Variants in RRP12 observed in about 807,000 individuals in gnomAD.
RRP12 encodes the protein ribosomal RNA processing 12 homolog.
In RRP12, 78 loss-of-function variants were observed where a neutral mutation model predicts 157.3. The observed-to-expected ratio is 0.50, with a 90% CI of 0.41 to 0.60. RRP12 has a LOEUF of 0.60. Ranked by LOEUF, RRP12 falls within the 20% of genes least tolerant of loss-of-function variation. The probability of loss-of-function intolerance (pLI) is 0.00; values close to 1 mark genes in which losing one functional copy is unlikely to be tolerated. For missense variants in RRP12, 1,521 were observed against 1,679.9 expected, an observed-to-expected ratio of 0.91 and a Z score of 1.65; for synonymous variants, 726 against 670.9, an observed-to-expected ratio of 1.08 and a Z score of -1.27.
chr10:97,399,015 T>C (rs1353647787), intron 2 of RRP12, among the ~76,000 whole-genome samples: 1 of 152,200 alleles, frequency 6.6e-6, no homozygotes, highest in Non-Finnish European at 1.5e-5. Context: ...GGCTCACACC[T>C]GTAATCCCAG....
At chr10:97,360,859 G>A (rs1018825907) in intron 30 of RRP12, among the ~76,000 whole-genome samples, 29 of 152,152 alleles carry the variant, frequency 1.9e-4, no homozygotes, top group Non-Finnish European at 5.9e-5. Flanking sequence ...GGCTGGTGGC[G>A]GCCGTTCCTG....
At position 97,373,659 on chromosome 10, in the gene RRP12, C is replaced by T. The variant is rs1844223828; in HGVS notation, c.1942G>A (p.Gly648Ser). Residue 648 changes from glycine to serine, a missense_variant, in exon 17 of 34, where the codon GGC becomes AGC. Transcript: ENST00000370992. ...ISFKGLARTLGMAISERPDLR... is the reference protein window; with the variant it reads ...ISFKGLARTLSMAISERPDLR... ...TCTGGACGCTCGCTGATGGCCATGC[C>T]CAGCGTCCGTGCCAGCCCTTTGAAG... The T allele has an allele frequency of 6.2e-7, 1 of 1,613,894 alleles. No individual in the cohort carries two copies. Among genetic ancestry groups the T allele is most frequent in the Non-Finnish European group, 8.5e-7 (1 of 1,179,924 alleles).
intron 2 of RRP12, among the ~76,000 whole-genome samples, chr10:97,399,779 G>T (rs991280600): frequency 6.6e-6 from 1 of 151,360 alleles, no homozygotes; most frequent in African/African-American, 2.4e-5. Flanking sequence ...TTAGCCGGGC[G>T]TGGTGGCACA....
At position 97,390,721 on chromosome 10, in the gene RRP12, T is replaced by C; in HGVS notation, c.636+18A>G. On this transcript the variant is annotated intron_variant, in intron 5 of 33. Coordinates refer to ENST00000370992, the MANE Select transcript of RRP12 (RefSeq NM_015179.4). ...CTCTGGGAGTCGCCAGATGAGAAACTAAACCCCAGACACTAACCCATCGGA... is the reference window on the plus strand; with the variant it reads ...CTCTGGGAGTCGCCAGATGAGAAACCAAACCCCAGACACTAACCCATCGGA... The C allele has an allele frequency of 1.3e-6, 2 of 1,576,022 alleles. No homozygotes were observed. The highest frequency in any genetic ancestry group is 2.2e-5 in the South Asian group (2 of 90,318).
chr10:97,372,718 A>C lies in RRP12; in HGVS notation c.2249+18T>G. On this transcript the variant is annotated intron_variant, in intron 19 of 33. Coordinates refer to ENST00000370992, the MANE Select transcript of RRP12 (RefSeq NM_015179.4). ...CCTGGGCTGCTCCAGCTCAAGTGGG[A>C]GGCCCTGAGCATGTTACCTGGTAAA... The C allele has an allele frequency of 6.4e-7, 1 of 1,551,522 alleles. No homozygotes were observed. The highest frequency in any genetic ancestry group is 1.9e-5 in the Admixed American group (1 of 51,386).
Position 97,370,455 on chromosome 10 carries a change from C to A in RRP12, c.2689G>T (p.Glu897Ter). The A allele has an allele frequency of 1.3e-6, 2 of 1,595,864 alleles. No individual in the cohort carries two copies. The highest frequency in any genetic ancestry group is 1.7e-6 in the Non-Finnish European group (2 of 1,171,838). Reference sequence around the variant, plus strand: ...CCACCCCCAGCCCCCTGGGCCTCACCTTCCTGGTTCGAGCCAAACCTTAGG... The same window carrying A: ...CCACCCCCAGCCCCCTGGGCCTCACATTCCTGGTTCGAGCCAAACCTTAGG... The part of the protein sequence containing the change: ...AFLRFGSNQE[E>*]ALQCYLVLIY... The change falls in exon 23 of 34, where the codon GAG becomes TAG. Residue 897 changes from glutamate (E) to a stop codon, truncating the protein, a stop_gained and splice_region_variant. Transcript: ENST00000370992. LOFTEE classifies it high-confidence loss of function.
At chr10:97,395,249 T>G (rs1003107984) in intron 3 of RRP12, among the ~76,000 whole-genome samples, 15 of 151,246 alleles carry the variant, frequency 9.9e-5, no homozygotes, top group African/African-American at 3.7e-4. Context: ...AATATATTTA[T>G]TTATTTAATG....
chr10:97,372,613 G>A (rs1034201193), intron 19 of RRP12, 123 bp downstream of exon 19: 9 of 804,146 alleles, frequency 1.1e-5, no homozygotes, highest in Non-Finnish European at 1.7e-5. Context: ...AGCACAGCCT[G>A]GAGAGTTAAT....
intron 11 of RRP12, 94 bp downstream of exon 11, chr10:97,381,621 G>T (rs1003418410): frequency 1.6e-6 from 2 of 1,273,084 alleles, no homozygotes; most frequent in Non-Finnish European, 2.2e-6. Flanking sequence ...GCCTCTCTGG[G>T]CCCGAGCTGG....
chr10:97,400,686 A>G (rs1448253237), intron 1 of RRP12, 152 bp from the exon 2 acceptor site: 2 of 640,716 alleles, frequency 3.1e-6, no homozygotes, highest in Admixed American at 5.9e-5. Flanking sequence ...TGTATGCCTA[A>G]AAACTTGAAA....
intron 6 of RRP12, among the ~76,000 whole-genome samples, chr10:97,389,389 A>G (rs1383986802): frequency 6.6e-6 from 1 of 151,872 alleles, no homozygotes; most frequent in Non-Finnish European, 1.5e-5. Flanking sequence ...CACCGCGCCC[A>G]GCCAAGGGGC....
Position 97,390,520 on chromosome 10 carries a change from G to T in RRP12, c.656C>A (p.Thr219Asn), listed in dbSNP as rs150603065. The change falls in exon 6 of 34, where the codon ACC (threonine) becomes AAC (asparagine). Residue 219 changes from threonine to asparagine, a missense_variant. Physicochemically the swap from Thr to Asn is moderately conservative, Grantham distance 65. Transcript: ENST00000370992. ...VLRWVLSCLA[T>N]LLRKQDLEAW... ...CTCCAGGTCTTGCTTCCGCAGAAGG[G>T]TGGCCAGGCAGGAAAGGACCTGGAA... 1.9e-6 allele frequency: 3 copies of T among 1,613,814 alleles called. No individual in the cohort carries two copies. The South Asian group carries it at 3.3e-5, about 18-fold the overall frequency.
At position 97,379,281 on chromosome 10, in the gene RRP12, G is replaced by T. The variant is rs544278967; in HGVS notation, c.1798+12C>A. On this transcript the variant is annotated intron_variant, in intron 15 of 33. Coordinates refer to ENST00000370992, the MANE Select transcript of RRP12 (RefSeq NM_015179.4). ...GAGCCTCAGGTCACACACAGGCAAG[G>T]GTCTCTCCTACCTTTGCTCTTCAGG... 6.2e-7 allele frequency: 1 copy of T among 1,613,468 alleles called. No individual in the cohort carries two copies. Among genetic ancestry groups the T allele is most frequent in the African/African-American group, 1.3e-5 (1 of 75,014 alleles).
chr10:97,401,082 A>T lies in RRP12; in HGVS notation c.139+11T>A, dbSNP rs1845133335. Reference sequence around the variant, plus strand: ...CCGCCCCCGGCTGCGCTCGGGTCTCAACCCAGCTACCTGACGGCCGGCTGA... The same window carrying T: ...CCGCCCCCGGCTGCGCTCGGGTCTCTACCCAGCTACCTGACGGCCGGCTGA... On this transcript the variant is annotated intron_variant, in intron 1 of 33. Coordinates refer to ENST00000370992, the MANE Select transcript of RRP12 (RefSeq NM_015179.4). 1 of 1,612,448 alleles carries T rather than the reference A, an allele frequency of 6.2e-7. No individual in the cohort carries two copies. The highest frequency in any genetic ancestry group is 1.7e-5 in the Admixed American group (1 of 59,804).
intron 13 of RRP12, 81 bp from the exon 14 acceptor site, chr10:97,379,851 C>T (rs1844418389): frequency 7.1e-7 from 1 of 1,413,166 alleles, no homozygotes; most frequent in Non-Finnish European, 9.5e-7. Flanking sequence ...AACGATGAGG[C>T]TGGAATTCTG....
intron 11 of RRP12, 98 bp downstream of exon 11, chr10:97,381,617 C>T: frequency 7.9e-7 from 1 of 1,270,602 alleles, no homozygotes; most frequent in East Asian, 2.4e-5. Context: ...AGCGGCCTCT[C>T]TGGGCCCGAG....
chr10:97,368,457 A>C (rs1844050902), intron 25 of RRP12, among the ~76,000 whole-genome samples: 1 of 151,986 alleles, frequency 6.6e-6, no homozygotes, highest in South Asian at 2.1e-4. Flanking sequence ...TCCCAGGTTC[A>C]AGTGATTCTC....
At chr10:97,394,821 T>A (rs1465123096) in intron 3 of RRP12, among the ~76,000 whole-genome samples, 1 of 152,208 alleles carries the variant, frequency 6.6e-6, no homozygotes, top group Non-Finnish European at 1.5e-5. Flanking sequence ...TATGTTCTTT[T>A]TGTGTGTGTT....
In RRP12 at chr10:97,363,880, G is replaced by A; in HGVS notation, c.3541C>T (p.Pro1181Ser). 6.2e-7 allele frequency: 1 copy of A among 1,614,052 alleles called. No homozygotes were observed. The highest frequency in any genetic ancestry group is 1.1e-5 in the South Asian group (1 of 91,078). The change falls in exon 30 of 34, where the codon CCA becomes TCA. Residue 1181 changes from proline to serine, a missense_variant. Pro to Ser is a moderately conservative substitution (Grantham distance 74). Coordinates refer to ENST00000370992, the MANE Select transcript of RRP12 (RefSeq NM_015179.4). ...AKGEDEEMAD[P>S]MEDVIIRNKK... ...TTCCTGATGATCACATCTTCCATTG[G>A]GTCAGCCATCTCTTCATCTTCGCCT...
Sources: allele counts gnomAD v4.1 joint callset (sites outside exome capture counted in the v4.1 genomes callset), GRCh38; gene constraint gnomAD v4.1.1; transcripts MANE v1.5; gene names NCBI Gene and HGNC (gene_info 2026-07-23, HGNC 2026-07-21).